The following WDR64 variants were observed in gnomAD, a reference collection of about 807,000 sequenced individuals.
WDR64 encodes the protein WD repeat-containing protein 64.
In WDR64, 112 loss-of-function variants were observed where a neutral mutation model predicts 139.3. That is an observed-to-expected ratio of 0.80 (90% CI 0.69 to 0.94). The LOEUF (loss-of-function observed/expected upper bound fraction) is 0.94. WDR64 is among the 40% of genes least tolerant of loss of function. The pLI, the probability that WDR64 is intolerant of heterozygous loss-of-function variation, is 0.00. For synonymous variants in WDR64, 444 were observed against 437.7 expected (o/e 1.01, Z -0.18); for missense variants, 1,206 against 1,293.1 (o/e 0.93, Z 1.03).
rs200155046 is a variant in WDR64, at chr1:241,748,938, T to TA, written c.1595-595dup. 3.2e-3 allele frequency among the ~76,000 whole-genome samples: 423 copies of TA among 133,854 alleles called. 1 individual carries two copies. In the Middle Eastern group the frequency reaches 0.043, roughly 13 times the overall value. 87.8% of individuals were successfully genotyped at this position (133,854 alleles called of 152,430 possible). On this transcript the variant is annotated intron_variant, in intron 13 of 27. Transcript: ENST00000437684. ...GGGTGACAGAGTGAGACTCTTGTCT[T>TA]AAAAAAAAAAAAAAGAAAGAAAGAA...
chr1:241,723,198 G>C, intron 9 of WDR64, 99 bp from the exon 10 acceptor site: 1 of 1,441,556 alleles, frequency 6.9e-7, no homozygotes, highest in Non-Finnish European at 9.4e-7. Flanking sequence ...ACTGTGATTT[G>C]CTGTTCGAAG....
intron 10 of WDR64, among the ~76,000 whole-genome samples, chr1:241,730,527 A>G (rs1374708358): frequency 6.6e-6 from 1 of 152,170 alleles, no homozygotes; most frequent in East Asian, 1.9e-4. Flanking sequence ...GCACACACAC[A>G]TACACATATT....
chr1:241,735,853 C>CTG (rs1352158069), intron 10 of WDR64, among the ~76,000 whole-genome samples: 14 of 91,350 alleles, frequency 1.5e-4, no homozygotes, highest in African/African-American at 4.5e-4. Flanking sequence ...CTCTCTCTCT[C>CTG]TCTGTGTGTG....
At chr1:241,672,591 T>C (rs1433932381) in intron 3 of WDR64, among the ~76,000 whole-genome samples, 1 of 152,110 alleles carries the variant, frequency 6.6e-6, no homozygotes, top group Non-Finnish European at 1.5e-5. Context: ...TACATTCCAA[T>C]AGGGAGAGGC....
At chr1:241,718,033 A>G (rs368058106) in intron 9 of WDR64, among the ~76,000 whole-genome samples, 2 of 152,354 alleles carry the variant, frequency 1.3e-5, no homozygotes, top group East Asian at 3.9e-4. Flanking sequence ...AAAGCAACTT[A>G]CTCAAAGTCA....
intron 2 of WDR64, among the ~76,000 whole-genome samples, chr1:241,667,944 A>ACAACCAACGTT (rs1310409477): frequency 1.3e-5 from 2 of 152,244 alleles, no homozygotes; most frequent in East Asian, 3.8e-4. Flanking sequence ...CAATAAACGT[A>ACAACCAACGTT]TGTCTGTTGT....
chr1:241,656,882 G>GTGTA lies in WDR64; in HGVS notation c.146-3645_146-3644insATGT, dbSNP rs1553359790. The stretch of plus-strand genomic sequence containing the variant: ...TCTTTGCCAAATGTTGTGTGTGTGT[G>GTGTA]TGTGTGTGTGTGTGTGTGTGTGTGT... On this transcript the variant is annotated intron_variant, in intron 1 of 27. Transcript: ENST00000437684. The surrounding 1 kb of genome is among the most constrained non-coding windows in gnomAD (Gnocchi z 4.3). Among the ~76,000 whole-genome samples, 5 of 148,490 alleles carry GTGTA rather than the reference G, an allele frequency of 3.4e-5. No homozygotes were observed. The highest frequency in any genetic ancestry group is 5.0e-5 in the African/African-American group (2 of 40,086).
intron 9 of WDR64, among the ~76,000 whole-genome samples, chr1:241,722,421 G>A (rs1175148587): frequency 6.6e-6 from 1 of 151,952 alleles, no homozygotes; most frequent in Non-Finnish European, 1.5e-5. Flanking sequence ...CCACACTTGG[G>A]ACTTTATCCA....
In WDR64 at chr1:241,711,843, T is replaced by C. The variant is rs778753035; in HGVS notation, c.1016T>C (p.Phe339Ser). The C allele has an allele frequency of 8.1e-6, 13 of 1,614,078 alleles. No homozygotes were observed. The African/African-American group carries it at 1.6e-4, about 20-fold the overall frequency. ...TCCATGCCAAGAGGAGCCAACACTT[T>C]TTGCTACTGTGTTAAGGCAAATGTG... Reference protein sequence around the residue: ...EFSMPRGANTFCYCVKANVIV... With the variant: ...EFSMPRGANTSCYCVKANVIV... Residue 339 changes from phenylalanine to serine, a missense_variant, in exon 9 of 28, where the codon TTT (phenylalanine) becomes TCT (serine). By Grantham distance (155) the Phe-to-Ser change is radical. Coordinates refer to ENST00000437684, the MANE Select transcript of WDR64 (RefSeq NM_001367482.1).
At chr1:241,719,930 A>G (rs1328760760) in intron 9 of WDR64, among the ~76,000 whole-genome samples, 1 of 152,080 alleles carries the variant, frequency 6.6e-6, no homozygotes, top group African/African-American at 2.4e-5. Context: ...TCCAGCATCC[A>G]TTAGCTATTC....
chr1:241,736,066 G>C (rs184029319), intron 10 of WDR64, among the ~76,000 whole-genome samples: 71 of 152,150 alleles, frequency 4.7e-4, no homozygotes, highest in African/African-American at 1.6e-3. Flanking sequence ...ATCCACATAA[G>C]GACAGAGCAC....
chr1:241,711,259 A>G (rs1668154477), intron 8 of WDR64, among the ~76,000 whole-genome samples: 1 of 150,910 alleles, frequency 6.6e-6, no homozygotes, highest in Non-Finnish European at 1.5e-5. Flanking sequence ...AAAATAGTAG[A>G]AGCAGAGAAA....
intron 15 of WDR64, among the ~76,000 whole-genome samples, chr1:241,759,022 G>A (rs941017510): frequency 7.3e-5 from 11 of 151,494 alleles, no homozygotes; most frequent in Admixed American, 2.0e-4. Flanking sequence ...TCTTTCTCTC[G>A]GAAAATTTTG....
chr1:241,704,240 G>A (rs1287911343), intron 8 of WDR64, among the ~76,000 whole-genome samples: 1 of 152,184 alleles, frequency 6.6e-6, no homozygotes, highest in Non-Finnish European at 1.5e-5. Flanking sequence ...TGAGAAGGGA[G>A]CATAGTGTGG....
chr1:241,672,339 A>C (rs1666265985), intron 3 of WDR64, among the ~76,000 whole-genome samples: 1 of 152,198 alleles, frequency 6.6e-6, no homozygotes, highest in African/African-American at 2.4e-5. Flanking sequence ...ACACAGACAC[A>C]AAAGGGCTGT....
chr1:241,685,932 CAG>C (rs1453286095), intron 7 of WDR64, among the ~76,000 whole-genome samples: 1 of 152,150 alleles, frequency 6.6e-6, no homozygotes, highest in Non-Finnish European at 1.5e-5. Flanking sequence ...TGCCACCTGT[CAG>C]AAAATTCCAT....
chr1:241,656,117 G>C lies in WDR64; in HGVS notation c.145+3488G>C, dbSNP rs1665585878. ...ATTTGATGAAAACTGCATACTGCTA[G>C]ACAAGTTACCTTCTATCACGGGGCG... On this transcript the variant is annotated intron_variant, in intron 1 of 27. Coordinates refer to ENST00000437684, the MANE Select transcript of WDR64 (RefSeq NM_001367482.1). This position sits in a 1 kb window ranked among gnomAD's most constrained non-coding sequence, Gnocchi z 4.3. Among the ~76,000 whole-genome samples, 1 of 152,202 alleles carries C rather than the reference G, an allele frequency of 6.6e-6. No homozygotes were observed. Among genetic ancestry groups the C allele is most frequent in the Admixed American group, 6.6e-5 (1 of 15,264 alleles).
chr1:241,765,588 G>A (rs1449594187), intron 15 of WDR64, among the ~76,000 whole-genome samples: 1 of 152,100 alleles, frequency 6.6e-6, no homozygotes, highest in African/African-American at 2.4e-5. Flanking sequence ...AGTGGTAATA[G>A]ACCTCTCCTC....
Position 241,703,072 on chromosome 1 carries a change from C to T in WDR64, c.975-8730C>T, listed in dbSNP as rs79151803. On this transcript the variant is annotated intron_variant, in intron 8 of 27. Transcript: ENST00000437684. This position sits in a 1 kb window ranked among gnomAD's most constrained non-coding sequence, Gnocchi z 5.9. The stretch of plus-strand genomic sequence containing the variant: ...CTTTTTAAAAATGCCTTACCTGAGG[C>T]ATTCTGAAATTTCTTTCCTCTTATA... 0.033 allele frequency among the ~76,000 whole-genome samples: 5,050 copies of T among 152,256 alleles called. 129 individuals carry two copies. Among genetic ancestry groups the T allele is most frequent in the Non-Finnish European group, 0.049 (3,364 of 68,004 alleles).
Sources: gnomAD v4.1 joint callset for allele counts (sites outside exome capture counted in the v4.1 genomes callset) on GRCh38, gnomAD v4.1.1 for gene constraint, Gnocchi (gnomAD v3.1) non-coding constraint, MANE v1.5 for transcripts, NCBI Gene and HGNC (gene_info 2026-07-23, HGNC 2026-07-21) for gene names.